The following RNF220 variants were observed in gnomAD, a reference collection of about 807,000 sequenced individuals.
The protein encoded by RNF220 is E3 ubiquitin-protein ligase RNF220.
RNF220 carries 7 observed loss-of-function variants against 67.1 expected under a neutral mutation model. The observed-to-expected ratio is 0.10, with a 90% confidence interval of 0.06 to 0.20. The LOEUF is 0.20. Among genes scored for constraint, RNF220 ranks in the 10% least tolerant of loss-of-function variants. The pLI is 1.00. For missense variants in RNF220, 565 were observed against 740.3 expected (o/e 0.76, Z 2.75); for synonymous variants, 270 against 283.2 (o/e 0.95, Z 0.47).
chr1:44,641,486 G>C (rs914709755), intron 8 of RNF220, among the ~76,000 whole-genome samples: 1 of 152,094 alleles, frequency 6.6e-6, no homozygotes, highest in African/African-American at 2.4e-5. Context: ...GAAAGGAGCT[G>C]TCTGTGCCAT....
chr1:44,423,993 TC>T (rs2147844368), intron 2 of RNF220: 1 of 985,412 alleles, frequency 1.0e-6, no homozygotes, highest in Admixed American at 6.1e-5. Flanking sequence ...TGGTTTTCCT[TC>T]CCTGGCCTCT....
intron 2 of RNF220, among the ~76,000 whole-genome samples, chr1:44,521,791 C>G (rs1245137899): frequency 6.6e-6 from 1 of 152,176 alleles, no homozygotes; most frequent in East Asian, 1.9e-4. Flanking sequence ...AGAGACCTGT[C>G]CCTGTGCTCA....
chr1:44,542,961 G>T (rs1031428361), intron 2 of RNF220, among the ~76,000 whole-genome samples: 2 of 152,102 alleles, frequency 1.3e-5, no homozygotes, highest in African/African-American at 4.8e-5. Flanking sequence ...AGCCGCACTG[G>T]GCCTCATTCC....
intron 2 of RNF220, among the ~76,000 whole-genome samples, chr1:44,477,568 A>C (rs769240225): frequency 6.6e-6 from 1 of 152,206 alleles, no homozygotes; most frequent in Non-Finnish European, 1.5e-5. Flanking sequence ...AAGCATCCAC[A>C]AAAATCTCCT....
chr1:44,591,780 T>A lies in RNF220; in HGVS notation c.626-22385T>A, dbSNP rs1666132874. 2.0e-5 allele frequency among the ~76,000 whole-genome samples: 3 copies of A among 152,154 alleles called. No homozygotes were observed. The South Asian group carries it at 6.2e-4, about 32-fold the overall frequency. ...CCCTCTCACTCCTCTGTCCTCCTCC[T>A]CCTCCAGCCATACTAGTCCTGCTGG... On this transcript the variant is annotated intron_variant, in intron 2 of 14. Coordinates refer to ENST00000361799, the MANE Select transcript of RNF220 (RefSeq NM_018150.4).
chr1:44,502,052 A>C (rs1572697371), intron 2 of RNF220, among the ~76,000 whole-genome samples: 8 of 121,854 alleles, frequency 6.6e-5, no homozygotes, highest in African/African-American at 1.3e-4. Context: ...ACACCACTGA[A>C]ACACACACAC....
intron 2 of RNF220, among the ~76,000 whole-genome samples, chr1:44,592,872 C>T (rs890204955): frequency 6.6e-6 from 1 of 152,206 alleles, no homozygotes; most frequent in Non-Finnish European, 1.5e-5. Flanking sequence ...TATGACAGCC[C>T]AGCCCTGGCC....
intron 2 of RNF220, among the ~76,000 whole-genome samples, chr1:44,585,298 G>A (rs1156847438): frequency 1.3e-5 from 2 of 152,120 alleles, no homozygotes; most frequent in African/African-American, 4.8e-5. Flanking sequence ...CTGAAGCCTG[G>A]CTCCAGCAGT....
intron 3 of RNF220, among the ~76,000 whole-genome samples, chr1:44,620,570 G>C (rs1192448885): frequency 1.3e-5 from 2 of 152,228 alleles, no homozygotes; most frequent in African/African-American, 2.4e-5. Flanking sequence ...TGAATCCCCA[G>C]TGCCTACATC....
chr1:44,620,265 GA>G, intron 3 of RNF220, among the ~76,000 whole-genome samples: 1 of 152,360 alleles, frequency 6.6e-6, no homozygotes, highest in East Asian at 1.9e-4. Flanking sequence ...ACTTTGTAGA[GA>G]TTTTGTGAAG....
Position 44,650,570 on chromosome 1 carries a change from G to C in RNF220, c.1630-134G>C. The stretch of plus-strand genomic sequence containing the variant: ...GCCTGCTCACAGAAGCTGCCTATGC[G>C]TCCCCAGCCTGGGCTGACAGGACCA... On this transcript the variant is annotated intron_variant, in intron 14 of 14. Coordinates refer to ENST00000361799, the MANE Select transcript of RNF220 (RefSeq NM_018150.4). The surrounding 1 kb of genome is among the most constrained non-coding windows in gnomAD (Gnocchi z 4.3). The C allele has an allele frequency of 1.1e-6, 1 of 918,634 alleles. No homozygotes were observed. The highest frequency in any genetic ancestry group is 1.7e-6 in the Non-Finnish European group (1 of 589,112). The allele number at this position is 918,634 out of a possible 1,614,324, so 56.9% of individuals were successfully genotyped here. A position where few individuals can be genotyped will look rare whatever the true frequency, so the allele number is the denominator to read the frequency against.
chr1:44,637,914 T>C (rs1644374285), intron 8 of RNF220, among the ~76,000 whole-genome samples: 1 of 152,238 alleles, frequency 6.6e-6, no homozygotes, highest in African/African-American at 2.4e-5. Context: ...TAGAAGCTGC[T>C]GCCGCCTCTT....
intron 2 of RNF220, among the ~76,000 whole-genome samples, chr1:44,543,427 G>A (rs1661842968): frequency 6.6e-6 from 1 of 152,146 alleles, no homozygotes; most frequent in East Asian, 1.9e-4. Context: ...TAAATAAATA[G>A]GAGAAAGTAA....
At chr1:44,561,227 C>T (rs1278009616) in intron 2 of RNF220, among the ~76,000 whole-genome samples, 1 of 152,092 alleles carries the variant, frequency 6.6e-6, no homozygotes, top group African/African-American at 2.4e-5. Flanking sequence ...AAAGAACCTA[C>T]GTGGCTGGGC....
At chr1:44,611,471 C>A (rs1643305175) in intron 2 of RNF220, among the ~76,000 whole-genome samples, 1 of 152,206 alleles carries the variant, frequency 6.6e-6, no homozygotes, top group South Asian at 2.1e-4. Context: ...CAGCTCAGCT[C>A]AGACCCCATG....
chr1:44,501,376 G>A (rs1418992697), intron 2 of RNF220, among the ~76,000 whole-genome samples: 1 of 152,104 alleles, frequency 6.6e-6, no homozygotes, highest in Admixed American at 6.5e-5. Context: ...CTAGAGTTGA[G>A]GGGGAGGGGG....
intron 2 of RNF220, among the ~76,000 whole-genome samples, chr1:44,549,935 C>G (rs552758526): frequency 6.6e-6 from 1 of 152,308 alleles, no homozygotes; most frequent in South Asian, 2.1e-4. Context: ...TACGCCTGGG[C>G]TCCATCTGTC....
chr1:44,505,711 G>C (rs1482324778), intron 2 of RNF220, among the ~76,000 whole-genome samples: 1 of 152,174 alleles, frequency 6.6e-6, no homozygotes, highest in Non-Finnish European at 1.5e-5. Flanking sequence ...GCTGAGTGTT[G>C]GTCTTTATTT....
In RNF220 at chr1:44,453,765, TTTATA is replaced by T. The variant is rs1488268316; in HGVS notation, c.625+41046_625+41050del. ...TTATTTATGCTATCTTTGTCTATTT[TTTATA>T]TTGGAGCAATATTAGTTTAGTGCAA... On this transcript the variant is annotated intron_variant, in intron 2 of 14. Coordinates refer to ENST00000361799, the MANE Select transcript of RNF220 (RefSeq NM_018150.4). 3.0e-4 allele frequency among the ~76,000 whole-genome samples: 45 copies of T among 152,324 alleles called. 1 individual carries two copies. The highest frequency in any genetic ancestry group is 5.9e-5 in the Non-Finnish European group (4 of 68,014).
Sources: gnomAD v4.1 joint callset for allele counts (sites outside exome capture counted in the v4.1 genomes callset) on GRCh38, gnomAD v4.1.1 for gene constraint, Gnocchi (gnomAD v3.1) non-coding constraint, MANE v1.5 for transcripts, NCBI Gene and HGNC (gene_info 2026-07-23, HGNC 2026-07-21) for gene names.